Variants in SLC6A20 observed in about 807,000 individuals in gnomAD.
SLC6A20 encodes solute carrier family 6 member 20, also known as sodium- and chloride-dependent transporter XTRP3.
In SLC6A20, 73 loss-of-function variants were observed where a neutral mutation model predicts 64.3. The observed-to-expected ratio is 1.14, with a 90% confidence interval of 0.94 to 1.38. The LOEUF (loss-of-function observed/expected upper bound fraction) is 1.38. SLC6A20 is among the 40% of genes most tolerant of loss of function. The pLI is 0.00. For missense variants in SLC6A20, 725 were observed against 772.8 expected (o/e 0.94, Z 0.73); for synonymous variants, 347 against 329.6 (o/e 1.05, Z -0.57).
rs187719916 is a variant in SLC6A20 at position 45,773,143 on chromosome 3, A to C, written c.583-528T>G. ...AGGAACACAATTAAAAGGAAAAAAA[A>C]ATCTGCAGCTTGGAGGAGGACAGAT... On this transcript the variant is annotated intron_variant, in intron 4 of 10. Coordinates refer to ENST00000358525, the MANE Select transcript of SLC6A20 (RefSeq NM_020208.4). Among the ~76,000 whole-genome samples the C allele has an allele frequency of 1.2e-3, 178 of 152,254 alleles. 1 individual carries two copies. The highest frequency in any genetic ancestry group is 3.9e-3 in the African/African-American group (163 of 41,556).
chr3:45,761,964 G>A (rs548620148), intron 9 of SLC6A20, among the ~76,000 whole-genome samples: 7 of 152,280 alleles, frequency 4.6e-5, no homozygotes, highest in African/African-American at 1.4e-4. Flanking sequence ...TGTTGTCAAT[G>A]TCTCCCTCCC....
chr3:45,772,637 G>A, intron 4 of SLC6A20, 22 bp from the exon 5 acceptor site: 1 of 1,599,630 alleles, frequency 6.3e-7, no homozygotes, highest in South Asian at 1.1e-5. Flanking sequence ...AGAGGGCAGA[G>A]TTGGCCTCCC....
intron 1 of SLC6A20, among the ~76,000 whole-genome samples, chr3:45,784,212 C>A (rs1700138969): frequency 6.6e-6 from 1 of 152,122 alleles, no homozygotes; most frequent in Non-Finnish European, 1.5e-5. Flanking sequence ...CACTCCTGAC[C>A]CAACCTATCA....
At chr3:45,774,482 C>T (rs527273618) in intron 4 of SLC6A20, among the ~76,000 whole-genome samples, 7 of 152,276 alleles carry the variant, frequency 4.6e-5, no homozygotes, top group South Asian at 2.1e-4. Flanking sequence ...TAAGCTCTCT[C>T]GGGGAAAGAG....
chr3:45,760,201 G>A (rs1408963982), intron 9 of SLC6A20, among the ~76,000 whole-genome samples, 179 bp from the exon 10 acceptor site: 1 of 152,196 alleles, frequency 6.6e-6, no homozygotes, highest in African/African-American at 2.4e-5. Context: ...CGGTGGGGAG[G>A]GGAGAAGGGC....
At chr3:45,792,830 TG>T (rs1377149898) in intron 1 of SLC6A20, among the ~76,000 whole-genome samples, 9 of 152,236 alleles carry the variant, frequency 5.9e-5, no homozygotes. Flanking sequence ...TGGGTCTTGC[TG>T]TTCCACCAAG....
rs528665519 is a variant in SLC6A20 at position 45,780,947 on chromosome 3, G to A, written c.263-847C>T. 1.3e-3 allele frequency among the ~76,000 whole-genome samples: 192 copies of A among 152,322 alleles called. 1 individual carries two copies. Among genetic ancestry groups the A allele is most frequent in the African/African-American group, 4.5e-3 (186 of 41,560 alleles). ...CACAAATATCTGGTATCTTTCCTAT[G>A]ATGCAGAAGATGCCTCTGAGAAGTC... On this transcript the variant is annotated intron_variant, in intron 2 of 10. Coordinates refer to ENST00000358525, the MANE Select transcript of SLC6A20 (RefSeq NM_020208.4).
At chr3:45,763,174 G>T in intron 8 of SLC6A20, 102 bp from the exon 9 acceptor site, 1 of 1,526,516 alleles carries the variant, frequency 6.6e-7, no homozygotes, top group Non-Finnish European at 8.9e-7. Flanking sequence ...AGGGAATTTT[G>T]GCTGATTGCT....
At position 45,779,827 on chromosome 3, in the gene SLC6A20, G is replaced by T. The variant is rs17213688; in HGVS notation, c.354+182C>A. On this transcript the variant is annotated intron_variant, in intron 3 of 10. Transcript: ENST00000358525. ...ACAGCGTAAGGGGCCCGTGGAGCCCGGGTTCAGAAGCCCTTCACGTGGTTT... is the reference window on the plus strand; with the variant it reads ...ACAGCGTAAGGGGCCCGTGGAGCCCTGGTTCAGAAGCCCTTCACGTGGTTT... Among the ~76,000 whole-genome samples the T allele has an allele frequency of 4.7e-3, 709 of 152,332 alleles. 7 individuals carry two copies. The highest frequency in any genetic ancestry group is 7.2e-3 in the Non-Finnish European group (490 of 68,028).
intron 1 of SLC6A20, among the ~76,000 whole-genome samples, chr3:45,785,469 G>C (rs752054633): frequency 2.6e-5 from 4 of 152,150 alleles, no homozygotes; most frequent in Non-Finnish European, 4.4e-5. Flanking sequence ...TCTTTCTCCC[G>C]TGCTGGATGC....
intron 6 of SLC6A20, among the ~76,000 whole-genome samples, chr3:45,770,856 T>A (rs1699850553): frequency 6.6e-6 from 1 of 152,254 alleles, no homozygotes; most frequent in Admixed American, 6.5e-5. Flanking sequence ...ACCTCCTGGA[T>A]GATGTCTTTG....
At chr3:45,762,353 G>A (rs1049767182) in intron 9 of SLC6A20, among the ~76,000 whole-genome samples, 4 of 152,248 alleles carry the variant, frequency 2.6e-5, no homozygotes, top group Admixed American at 2.6e-4. Context: ...TCACAGCTGT[G>A]TTTGACCAGC....
At chr3:45,767,423 A>G (rs958003723) in intron 7 of SLC6A20, among the ~76,000 whole-genome samples, 1 of 152,242 alleles carries the variant, frequency 6.6e-6, no homozygotes. Flanking sequence ...AAAAGGCTCA[A>G]TTGACAGTTA....
chr3:45,763,610 C>A (rs1174934444), intron 8 of SLC6A20, among the ~76,000 whole-genome samples: 1 of 152,148 alleles, frequency 6.6e-6, no homozygotes, highest in Non-Finnish European at 1.5e-5. Flanking sequence ...TGCGTTGGAC[C>A]CTTAGGCCTC....
intron 3 of SLC6A20, among the ~76,000 whole-genome samples, chr3:45,778,475 G>T (rs555808526): frequency 1.3e-5 from 2 of 152,322 alleles, no homozygotes; most frequent in Non-Finnish European, 2.9e-5. Flanking sequence ...AGGATGGAAT[G>T]AATGAATATT....
intron 9 of SLC6A20, among the ~76,000 whole-genome samples, chr3:45,762,130 T>C (rs565850084): frequency 6.6e-6 from 1 of 152,330 alleles, no homozygotes; most frequent in East Asian, 1.9e-4. Flanking sequence ...ATACAGGATC[T>C]GATTCAGCAG....
In SLC6A20 at chr3:45,782,192, A is replaced by G. The variant is rs376190987; in HGVS notation, c.153T>C (p.Leu51=). The change falls in exon 2 of 11, where the codon CTT becomes CTC. Residue 51 remains leucine (L), a synonymous_variant. Coordinates refer to ENST00000358525, the MANE Select transcript of SLC6A20 (RefSeq NM_020208.4). ...ACAAGAGCGGCATTCCCTCCACGAT[A>G]AGCATGATGATGTAGGGGACCAGGA... is the stretch of plus-strand genomic sequence containing the variant. ...GSFLVPYIIM[L]IVEGMPLLYL... 30 of 1,613,550 alleles carry G rather than the reference A, an allele frequency of 1.9e-5. No individual in the cohort carries two copies. The highest frequency in any genetic ancestry group is 2.4e-5 in the Non-Finnish European group (28 of 1,179,788).
intron 1 of SLC6A20, among the ~76,000 whole-genome samples, chr3:45,792,540 CT>C: frequency 6.6e-6 from 1 of 152,326 alleles, no homozygotes; most frequent in Non-Finnish European, 1.5e-5. Flanking sequence ...GCAGGGGCCC[CT>C]GATCATGGTA....
chr3:45,767,233 T>C (rs1219348600), intron 7 of SLC6A20, among the ~76,000 whole-genome samples: 1 of 152,188 alleles, frequency 6.6e-6, no homozygotes, highest in Non-Finnish European at 1.5e-5. Flanking sequence ...CAATTCTAAA[T>C]AGTGTTAAAA....
Sources: allele counts gnomAD v4.1 joint callset (sites outside exome capture counted in the v4.1 genomes callset), GRCh38; gene constraint gnomAD v4.1.1; transcripts MANE v1.5; gene names NCBI Gene and HGNC (gene_info 2026-07-23, HGNC 2026-07-21).